Variants in CMC1 observed in about 807,000 individuals in gnomAD.
CMC1 encodes the protein C-X9-C motif containing 1, also known as COX assembly mitochondrial protein homolog.
In CMC1, 14 loss-of-function variants were observed where a neutral mutation model predicts 14.1. The ratio of observed to expected loss-of-function variants is 0.99; its 90% confidence interval spans 0.66 to 1.55. CMC1 has a LOEUF of 1.55. Ranked by LOEUF, CMC1 falls within the 40% of genes most tolerant of loss-of-function variation. The pLI is 0.00. For missense variants in CMC1, 127 were observed against 123.8 expected, an observed-to-expected ratio of 1.03 and a Z score of -0.12; for synonymous variants, 50 against 38.4, an observed-to-expected ratio of 1.30 and a Z score of -1.12.
At chr3:28,251,264 G>A (rs888691287) in intron 1 of CMC1, among the ~76,000 whole-genome samples, 1 of 152,160 alleles carries the variant, frequency 6.6e-6, no homozygotes, top group African/African-American at 2.4e-5. Context: ...GGGACCAAAC[G>A]TGAGAGGTGT....
chr3:28,254,762 A>T (rs1699305577), intron 1 of CMC1, among the ~76,000 whole-genome samples: 1 of 152,228 alleles, frequency 6.6e-6, no homozygotes, highest in Non-Finnish European at 1.5e-5. Context: ...AAAATTATAT[A>T]TGTGAAAAAA....
intron 2 of CMC1, among the ~76,000 whole-genome samples, chr3:28,287,409 A>G (rs141381043): frequency 1.3e-5 from 2 of 152,260 alleles, no homozygotes; most frequent in East Asian, 3.9e-4. Context: ...CTCTGGTGCA[A>G]AGTGCTCTAC....
intron 2 of CMC1, among the ~76,000 whole-genome samples, chr3:28,266,817 A>T (rs1216358630): frequency 6.6e-6 from 1 of 152,220 alleles, no homozygotes; most frequent in Non-Finnish European, 1.5e-5. Context: ...ATTTTATAGT[A>T]TTCTTTCTTT....
At chr3:28,295,808 A>C (rs1701711657) in intron 2 of CMC1, among the ~76,000 whole-genome samples, 1 of 152,088 alleles carries the variant, frequency 6.6e-6, no homozygotes, top group African/African-American at 2.4e-5. Context: ...GCCAAAACCT[A>C]AATCCCATGA....
intron 2 of CMC1, among the ~76,000 whole-genome samples, chr3:28,275,325 TTTG>T (rs200156575): frequency 0.049 from 6,985 of 141,292 alleles, 156 homozygotes; most frequent in Middle Eastern, 0.13. Flanking sequence ...CTGTTAGTTG[TTTG>T]TTTTTTTTTT....
intron 2 of CMC1, among the ~76,000 whole-genome samples, chr3:28,265,412 A>G (rs564210472): frequency 1.3e-5 from 2 of 152,160 alleles, no homozygotes; most frequent in Non-Finnish European, 2.9e-5. Context: ...ACAGTTATAC[A>G]TAATTTAGAA....
chr3:28,317,851 GTTA>G (rs1015667533), intron 3 of CMC1: 1 of 151,834 alleles, frequency 6.6e-6, no homozygotes, highest in Admixed American at 6.6e-5. Context: ...ATTAGTATTT[GTTA>G]TTATTTATCT....
chr3:28,274,220 C>CTT (rs544985268), intron 2 of CMC1, among the ~76,000 whole-genome samples: 9 of 112,324 alleles, frequency 8.0e-5, no homozygotes, highest in African/African-American at 2.0e-4. Context: ...TTGTTTTTTT[C>CTT]TTTTTTTTTT....
At chr3:28,261,373 A>G (rs543840593) in intron 1 of CMC1, among the ~76,000 whole-genome samples, 119 of 152,258 alleles carry the variant, frequency 7.8e-4, no homozygotes, top group African/African-American at 2.6e-3. Context: ...TGTAGCATGA[A>G]CGAATGGTGT....
At chr3:28,259,516 A>G (rs1022156263) in intron 1 of CMC1, among the ~76,000 whole-genome samples, 17 of 152,188 alleles carry the variant, frequency 1.1e-4, no homozygotes, top group African/African-American at 4.1e-4. Context: ...TGGCAATGGT[A>G]TAATATTGTT....
intron 2 of CMC1, among the ~76,000 whole-genome samples, chr3:28,278,504 A>C (rs1700709119): frequency 6.6e-6 from 1 of 152,224 alleles, no homozygotes; most frequent in Admixed American, 6.5e-5. Flanking sequence ...GTGAACTATC[A>C]GTAACATGTT....
At chr3:28,263,268 A>G (rs373251175) in intron 1 of CMC1, 23 bp from the exon 2 acceptor site, 1 of 1,549,002 alleles carries the variant, frequency 6.5e-7, no homozygotes, top group African/African-American at 1.4e-5. Flanking sequence ...GACTTTATTA[A>G]AGAAAGATCT....
rs1159260568 is a variant in CMC1 at position 28,284,055 on chromosome 3, T to G, written c.109+20675T>G. The stretch of plus-strand genomic sequence containing the variant: ...TTGGAAATTAGAATATCTGAAGATT[T>G]GACTTAAGTGTACTTTGTGATGCAT... On this transcript the variant is annotated intron_variant, in intron 2 of 3. Transcript: ENST00000466830. 1.3e-5 allele frequency among the ~76,000 whole-genome samples: 2 copies of G among 152,210 alleles called. 1 individual carries two copies. Among genetic ancestry groups the G allele is most frequent in the Admixed American group, 1.3e-4 (2 of 15,280 alleles).
intron 1 of CMC1, among the ~76,000 whole-genome samples, chr3:28,254,862 C>T (rs1699311543): frequency 6.6e-6 from 1 of 152,140 alleles, no homozygotes; most frequent in Non-Finnish European, 1.5e-5. Flanking sequence ...AGTAATTACA[C>T]TGAATAGTTA....
intron 2 of CMC1, among the ~76,000 whole-genome samples, chr3:28,285,182 G>C (rs1345344852): frequency 6.6e-6 from 1 of 152,198 alleles, no homozygotes; most frequent in Non-Finnish European, 1.5e-5. Context: ...TAACCAGCAT[G>C]TGTGTGTATT....
rs949260714 is a variant in CMC1, at chr3:28,323,960, T to C, written c.*4331T>C. 5 of 1,447,986 alleles carry C rather than the reference T, an allele frequency of 3.5e-6. No homozygotes were observed. The African/African-American group carries it at 5.7e-5, about 17-fold the overall frequency. 89.7% of individuals were successfully genotyped at this position (1,447,986 alleles called of 1,614,324 possible). A position where few individuals can be genotyped will look rare whatever the true frequency, so the allele number is the denominator to read the frequency against. On this transcript the variant is annotated 3_prime_UTR_variant, in exon 4 of 4. Transcript: ENST00000466830. ...CTGCAAAATTTTAATCAAAATCTCC[T>C]TTCAGTTTGTTAAATAATTTCTTGG...
chr3:28,269,933 C>T (rs1157627857), intron 2 of CMC1, among the ~76,000 whole-genome samples: 1 of 152,158 alleles, frequency 6.6e-6, no homozygotes. Flanking sequence ...TGCCTCCCTG[C>T]CCCCAACAGA....
intron 2 of CMC1, among the ~76,000 whole-genome samples, chr3:28,306,308 C>G (rs887462956): frequency 6.6e-6 from 1 of 152,126 alleles, no homozygotes; most frequent in African/African-American, 2.4e-5. Context: ...TTGACACTTT[C>G]AATCCATGAG....
intron 2 of CMC1, among the ~76,000 whole-genome samples, chr3:28,276,297 T>C (rs1288711367): frequency 6.6e-6 from 1 of 152,218 alleles, no homozygotes; most frequent in Admixed American, 6.5e-5. Flanking sequence ...GTGAGAATTT[T>C]GTCAGGATGG....
Sources: allele counts gnomAD v4.1 joint callset (sites outside exome capture counted in the v4.1 genomes callset), GRCh38; gene constraint gnomAD v4.1.1; transcripts MANE v1.5; gene names NCBI Gene and HGNC (gene_info 2026-07-23, HGNC 2026-07-21).